The following ATP8A1 variants were observed in gnomAD, a reference collection of about 807,000 sequenced individuals.
The protein encoded by ATP8A1 is phospholipid-transporting ATPase IA.
In ATP8A1, 90 loss-of-function variants were observed where a neutral mutation model predicts 177.7. That is an observed-to-expected ratio of 0.51 (90% CI 0.43 to 0.60). The LOEUF (loss-of-function observed/expected upper bound fraction) is 0.60. Among genes scored for constraint, ATP8A1 ranks in the 20% least tolerant of loss-of-function variants. ATP8A1 has a pLI of 0.00. For synonymous variants in ATP8A1, 493 were observed against 485.9 expected, an observed-to-expected ratio of 1.01 and a Z score of -0.19; for missense variants, 1,072 against 1,392.8, an observed-to-expected ratio of 0.77 and a Z score of 3.67.
chr4:42,426,531 A>G (rs1338215047), intron 33 of ATP8A1, among the ~76,000 whole-genome samples: 1 of 152,234 alleles, frequency 6.6e-6, no homozygotes, highest in Non-Finnish European at 1.5e-5. Context: ...ACTCGGGAAG[A>G]AACTTCTCAG....
chr4:42,467,493 A>G (rs1417160405), intron 25 of ATP8A1, among the ~76,000 whole-genome samples: 1 of 152,134 alleles, frequency 6.6e-6, no homozygotes, highest in African/African-American at 2.4e-5. Context: ...GGAGATCGAG[A>G]CCAGCCTGGG....
In ATP8A1 at chr4:42,586,432, C is replaced by T; in HGVS notation, c.639G>A (p.Met213Ile). 6.2e-7 allele frequency: 1 copy of T among 1,614,122 alleles called. No individual in the cohort carries two copies. Among genetic ancestry groups the T allele is most frequent in the South Asian group, 1.1e-5 (1 of 91,076 alleles). Residue 213 changes from methionine (M) to isoleucine (I), a missense_variant, in exon 9 of 37, where the codon ATG becomes ATA. Transcript: ENST00000381668. The part of the protein sequence containing the change: ...TSDIKDVDSL[M>I]RISGRIECES... ...CACACTCAATTCTGCCAGAAATCCTCATCAAACTGTCAACGTCTTTGATAT... is the reference window on the plus strand; with the variant it reads ...CACACTCAATTCTGCCAGAAATCCTTATCAAACTGTCAACGTCTTTGATAT...
chr4:42,490,064 CAAACACTCAGCCAGG>C (rs1263112047), intron 24 of ATP8A1, among the ~76,000 whole-genome samples: 6 of 152,110 alleles, frequency 3.9e-5, no homozygotes, highest in African/African-American at 1.4e-4. Context: ...GGCTGGGGTT[CAAACACTCAGCCAGG>C]CAAGGGAGGG....
intron 20 of ATP8A1, among the ~76,000 whole-genome samples, chr4:42,538,690 A>T (rs1475323412): frequency 6.6e-6 from 1 of 152,232 alleles, no homozygotes; most frequent in African/African-American, 2.4e-5. Flanking sequence ...GGAAATGCAA[A>T]TCATAACCAC....
chr4:42,541,088 T>C (rs1728339322), intron 20 of ATP8A1, among the ~76,000 whole-genome samples: 1 of 152,122 alleles, frequency 6.6e-6, no homozygotes, highest in Non-Finnish European at 1.5e-5. Flanking sequence ...ATCACATCAC[T>C]GCCCTCCAGC....
At chr4:42,656,751 G>T in intron 1 of ATP8A1, 74 bp downstream of exon 1, 1 of 1,415,546 alleles carries the variant, frequency 7.1e-7, no homozygotes, top group Non-Finnish European at 9.4e-7. Context: ...GTCTCTTCCA[G>T]GATAAACACA....
chr4:42,505,684 G>A (rs1345087932), intron 23 of ATP8A1, among the ~76,000 whole-genome samples: 1 of 152,084 alleles, frequency 6.6e-6, no homozygotes, highest in Non-Finnish European at 1.5e-5. Flanking sequence ...TATATTTACA[G>A]GATATGTTAG....
intron 22 of ATP8A1, among the ~76,000 whole-genome samples, chr4:42,521,593 T>C (rs1726135198): frequency 6.6e-6 from 1 of 152,222 alleles, no homozygotes; most frequent in East Asian, 1.9e-4. Context: ...TTTACAGCTG[T>C]GACAGAAATA....
chr4:42,590,138 T>C (rs905350641), intron 7 of ATP8A1, among the ~76,000 whole-genome samples: 1 of 152,184 alleles, frequency 6.6e-6, no homozygotes, highest in Non-Finnish European at 1.5e-5. Flanking sequence ...AGCAGGCTTT[T>C]TGATTAGTAA....
chr4:42,513,518 G>A (rs1269854261), intron 22 of ATP8A1, among the ~76,000 whole-genome samples: 2 of 152,158 alleles, frequency 1.3e-5, no homozygotes, highest in African/African-American at 4.8e-5. Context: ...AAGAAATGGG[G>A]AGAGGTGGGG....
At chr4:42,573,372 G>A (rs535316176) in intron 14 of ATP8A1, among the ~76,000 whole-genome samples, 1 of 152,276 alleles carries the variant, frequency 6.6e-6, no homozygotes, top group South Asian at 2.1e-4. Context: ...GAATATATAA[G>A]TACAAGATGT....
rs1577875779 is a variant in ATP8A1, at chr4:42,410,358, C to A, written c.*2558G>T. 1 of 152,110 alleles carries A rather than the reference C, an allele frequency of 6.6e-6. No individual in the cohort carries two copies. Among genetic ancestry groups the A allele is most frequent in the African/African-American group, 2.4e-5 (1 of 41,414 alleles). The allele number at this position is 152,110 out of a possible 1,614,324, so 9.4% of individuals were successfully genotyped here. ...CAACTGTGTTAGCATTTGCCAGAGTCCCTATAAGGAACTTTTTAATTGAAG... is the reference window on the plus strand; with the variant it reads ...CAACTGTGTTAGCATTTGCCAGAGTACCTATAAGGAACTTTTTAATTGAAG... On this transcript the variant is annotated 3_prime_UTR_variant, in exon 37 of 37. Transcript: ENST00000381668.
chr4:42,600,721 A>T (rs1432914549), intron 5 of ATP8A1, among the ~76,000 whole-genome samples: 1 of 152,178 alleles, frequency 6.6e-6, no homozygotes, highest in Non-Finnish European at 1.5e-5. Context: ...AGCTCCCACA[A>T]CATCACTAAC....
At chr4:42,643,050 C>T (rs1740167906) in intron 1 of ATP8A1, among the ~76,000 whole-genome samples, 1 of 152,180 alleles carries the variant, frequency 6.6e-6, no homozygotes, top group Non-Finnish European at 1.5e-5. Flanking sequence ...GTTTGGAGCA[C>T]CTCAAGAGCC....
At chr4:42,454,375 T>A (rs1718249854) in intron 29 of ATP8A1, among the ~76,000 whole-genome samples, 1 of 152,208 alleles carries the variant, frequency 6.6e-6, no homozygotes, top group Non-Finnish European at 1.5e-5. Context: ...ACATTAACTG[T>A]CCTGAATTCA....
chr4:42,648,946 C>T (rs1314115460), intron 1 of ATP8A1, among the ~76,000 whole-genome samples: 2 of 152,154 alleles, frequency 1.3e-5, no homozygotes, highest in African/African-American at 4.8e-5. Flanking sequence ...CACTCTCATT[C>T]ACTTTCAGTG....
intron 24 of ATP8A1, among the ~76,000 whole-genome samples, chr4:42,490,096 A>G (rs1485387368): frequency 1.3e-5 from 2 of 152,180 alleles, no homozygotes; most frequent in Non-Finnish European, 2.9e-5. Flanking sequence ...AGGGAGCCAC[A>G]GTGGAAAGTG....
At chr4:42,628,206 C>T (rs1738320863) in intron 1 of ATP8A1, among the ~76,000 whole-genome samples, 1 of 152,164 alleles carries the variant, frequency 6.6e-6, no homozygotes, top group Admixed American at 6.5e-5. Context: ...AAAGCTGCTC[C>T]ACCCACTGAT....
intron 1 of ATP8A1, among the ~76,000 whole-genome samples, chr4:42,652,284 G>GGT (rs1412034801): frequency 6.6e-6 from 1 of 152,008 alleles, no homozygotes; most frequent in Non-Finnish European, 1.5e-5. Context: ...CCAGCACCAG[G>GGT]GTATCTTGGG....
Sources: gnomAD v4.1 joint callset for allele counts (sites outside exome capture counted in the v4.1 genomes callset) on GRCh38, gnomAD v4.1.1 for gene constraint, MANE v1.5 for transcripts, NCBI Gene and HGNC (gene_info 2026-07-23, HGNC 2026-07-21) for gene names.